SNX25: variants seen among roughly 807,000 people sequenced by gnomAD.
SNX25 encodes the protein sorting nexin-25.
A neutral mutation model predicts 113.7 loss-of-function variants in SNX25; 62 were observed. The observed-to-expected ratio is 0.55, with a 90% CI of 0.44 to 0.67. The LOEUF is 0.67. Ranked by LOEUF, SNX25 falls within the 30% of genes least tolerant of loss-of-function variation. The pLI is 0.00. For missense variants in SNX25, 1,014 were observed against 1,161.0 expected (o/e 0.87, Z 1.84); for synonymous variants, 421 against 436.2 (o/e 0.97, Z 0.43).
rs60414972 is a variant in SNX25, at chr4:185,334,126, G to A, written c.1914+1367G>A. 6.2e-3 allele frequency among the ~76,000 whole-genome samples: 938 copies of A among 151,776 alleles called. 9 individuals carry two copies. Among genetic ancestry groups the A allele is most frequent in the African/African-American group, 0.022 (901 of 41,370 alleles). On this transcript the variant is annotated intron_variant, in intron 10 of 18. Coordinates refer to ENST00000652585, the MANE Select transcript of SNX25 (RefSeq NM_001378034.2). The surrounding 1 kb of genome is among the most constrained non-coding windows in gnomAD (Gnocchi z 4.2). ...GGCCGAGGCGGGTGGATCACTTGAG[G>A]TCAGGAGCTCGAGGCCAGCCTGGCC... is the stretch of plus-strand genomic sequence containing the variant.
chr4:185,279,116 G>A (rs893544415), intron 5 of SNX25, among the ~76,000 whole-genome samples: 2 of 150,998 alleles, frequency 1.3e-5, no homozygotes, highest in South Asian at 2.1e-4. Context: ...TTTCCAAATT[G>A]TATATATATT....
chr4:185,240,426 C>T (rs1334391119), intron 1 of SNX25, among the ~76,000 whole-genome samples: 94 of 135,988 alleles, frequency 6.9e-4, no homozygotes, highest in African/African-American at 2.6e-3. Context: ...CCGGATGGGG[C>T]GGCTGGCCGG....
chr4:185,220,264 G>C (rs1406294731), intron 1 of SNX25, among the ~76,000 whole-genome samples: 1 of 85,834 alleles, frequency 1.2e-5, no homozygotes, highest in African/African-American at 3.9e-5. Flanking sequence ...TGTTCCTCTT[G>C]TTTCTTTTTT....
chr4:185,234,681 CAAAAAAAAAA>C (rs369613640), intron 1 of SNX25, among the ~76,000 whole-genome samples: 1 of 16,176 alleles, frequency 6.2e-5, no homozygotes. Flanking sequence ...GACTCTGTCT[CAAAAAAAAAA>C]AAAAAAAAAA....
At chr4:185,357,835 G>A (rs969339695) in intron 16 of SNX25, 98 bp downstream of exon 16, 1 of 1,016,606 alleles carries the variant, frequency 9.8e-7, no homozygotes, top group East Asian at 2.4e-5. Context: ...TTAACTGAAA[G>A]TCTTTAATTT....
chr4:185,277,588 G>A (rs183799044), intron 5 of SNX25, among the ~76,000 whole-genome samples: 370 of 152,144 alleles, frequency 2.4e-3, no homozygotes, highest in African/African-American at 8.5e-3. Flanking sequence ...ATTTGCAATA[G>A]CACACCATTA....
At chr4:185,346,893 A>C (rs1050961443) in intron 13 of SNX25, among the ~76,000 whole-genome samples, 1 of 152,220 alleles carries the variant, frequency 6.6e-6, no homozygotes, top group Admixed American at 6.5e-5. Flanking sequence ...AGTCCAATGC[A>C]CTGGTTATCA....
chr4:185,309,447 T>G (rs2126661527), intron 6 of SNX25, among the ~76,000 whole-genome samples: 1 of 152,296 alleles, frequency 6.6e-6, no homozygotes, highest in East Asian at 1.9e-4. Flanking sequence ...ATTGCAGCCG[T>G]TTTTGGAAAA....
At chr4:185,310,570 C>A (rs1755104858) in intron 6 of SNX25, 65 bp from the exon 7 acceptor site, 29 of 1,462,344 alleles carry the variant, frequency 2.0e-5, no homozygotes, top group Non-Finnish European at 2.7e-5. Context: ...TGATCTGGTT[C>A]TGAATTGCTG....
Position 185,336,483 on chromosome 4 carries a change from C to T in SNX25, c.1915-2896C>T, listed in dbSNP as rs141922376. Reference sequence around the variant, plus strand: ...ATAGTCTCAAATTCCATCCAGGTTGCTGTGAAGGCCATTATTTCATTCCTT... The same window carrying T: ...ATAGTCTCAAATTCCATCCAGGTTGTTGTGAAGGCCATTATTTCATTCCTT... On this transcript the variant is annotated intron_variant, in intron 10 of 18. Transcript: ENST00000652585. Among the ~76,000 whole-genome samples the T allele has an allele frequency of 3.9e-3, 600 of 152,302 alleles. 1 individual carries two copies. The highest frequency in any genetic ancestry group is 0.013 in the African/African-American group (534 of 41,562).
chr4:185,241,403 G>T lies in SNX25; in HGVS notation c.430-5891G>T, dbSNP rs1245970973. ...TGAGGCAGGAGAATCAGGCAGGGAGGTTGCAGTGAGCTGAGATGGCAGCAG... is the reference window on the plus strand; with the variant it reads ...TGAGGCAGGAGAATCAGGCAGGGAGTTTGCAGTGAGCTGAGATGGCAGCAG... On this transcript the variant is annotated intron_variant, in intron 1 of 18. Coordinates refer to ENST00000652585, the MANE Select transcript of SNX25 (RefSeq NM_001378034.2). Among the ~76,000 whole-genome samples the T allele has an allele frequency of 4.1e-5, 6 of 147,482 alleles. 1 individual carries two copies. The East Asian group carries it at 1.3e-3, about 31-fold the overall frequency.
chr4:185,309,818 A>G (rs1754992504), intron 6 of SNX25, among the ~76,000 whole-genome samples: 1 of 152,206 alleles, frequency 6.6e-6, no homozygotes, highest in Admixed American at 6.5e-5. Context: ...AAAGATACAA[A>G]TACATTTATG....
At chr4:185,328,115 AAC>A (rs2095169362) in intron 9 of SNX25, among the ~76,000 whole-genome samples, 1 of 152,184 alleles carries the variant, frequency 6.6e-6, no homozygotes, top group Non-Finnish European at 1.5e-5. Context: ...CATTGCACAC[AAC>A]ACATGTATAG....
At chr4:185,368,593 A>G (rs1561072315), downstream of SNX25, among the ~76,000 whole-genome samples, 1 of 152,146 alleles carries the variant, frequency 6.6e-6, no homozygotes, top group South Asian at 2.1e-4. Context: ...GTCATATGAT[A>G]TCATTCCAGA....
chr4:185,285,560 G>A (rs1481717510), intron 5 of SNX25, among the ~76,000 whole-genome samples: 2 of 152,196 alleles, frequency 1.3e-5, no homozygotes, highest in South Asian at 2.1e-4. Context: ...GTGGAAGCAC[G>A]TCAAGTCTTC....
At chr4:185,360,930 A>AATATAAATATATATATATATAT (rs2095359257) in intron 16 of SNX25, among the ~76,000 whole-genome samples, 1 of 139,610 alleles carries the variant, frequency 7.2e-6, no homozygotes, top group African/African-American at 2.7e-5. Context: ...AAAAAAAAAT[A>AATATAAATATATATATATATAT]ATATATATAT....
upstream of SNX25, among the ~76,000 whole-genome samples, chr4:185,208,107 A>AT (rs373835265): frequency 6.6e-6 from 1 of 152,058 alleles, no homozygotes; most frequent in South Asian, 2.1e-4. Flanking sequence ...ATACTGCTTT[A>AT]TTTATTTTAT....
Position 185,339,392 on chromosome 4 carries a change from T to G in SNX25, c.1928T>G (p.Leu643Trp). 6.2e-7 allele frequency: 1 copy of G among 1,613,954 alleles called. No individual in the cohort carries two copies. Among genetic ancestry groups the G allele is most frequent in the African/African-American group, 1.3e-5 (1 of 75,060 alleles). The change falls in exon 11 of 19, where the codon TTG becomes TGG. Residue 643 changes from leucine to tryptophan, a missense_variant. By Grantham distance (61) the Leu-to-Trp change is moderately conservative (BLOSUM62 -2). Coordinates refer to ENST00000652585, the MANE Select transcript of SNX25 (RefSeq NM_001378034.2). ...TCCCTGTGGCAGATTGTTTCCAAGT[T>G]GAAGGATGAAATAATCCTAATAGAG... ...PKPDKKIVSK[L>W]KDEIILIEKE...
chr4:185,339,014 GA>G (rs2126719366), intron 10 of SNX25, among the ~76,000 whole-genome samples: 1 of 152,154 alleles, frequency 6.6e-6, no homozygotes, highest in African/African-American at 2.4e-5. Flanking sequence ...AAAAGTTATT[GA>G]AATTTTGTTG....
Sources: gnomAD v4.1 joint callset for allele counts (sites outside exome capture counted in the v4.1 genomes callset) on GRCh38, gnomAD v4.1.1 for gene constraint, Gnocchi (gnomAD v3.1) non-coding constraint, MANE v1.5 for transcripts, NCBI Gene and HGNC (gene_info 2026-07-23, HGNC 2026-07-21) for gene names.